The following PEMT variants were observed in gnomAD, a reference collection of about 807,000 sequenced individuals.
PEMT encodes phosphatidylethanolamine N-methyltransferase, also known as phospholipid methyltransferase.
Under a neutral mutation model 27.4 loss-of-function variants are expected in PEMT, and 23 were observed. That is an observed-to-expected ratio of 0.84 (90% CI 0.60 to 1.19). PEMT has a LOEUF of 1.19. PEMT is among the 50% of genes most tolerant of loss of function. The pLI is 0.00. For synonymous variants in PEMT, 137 were observed against 139.1 expected (o/e 0.98, Z 0.11); for missense variants, 307 against 310.1 (o/e 0.99, Z 0.07).
At chr17:17,527,160 C>G (rs578223506) in intron 2 of PEMT, among the ~76,000 whole-genome samples, 3 of 152,204 alleles carry the variant, frequency 2.0e-5, no homozygotes, top group Non-Finnish European at 4.4e-5. Context: ...GCCTCAGCCT[C>G]CCGAGTAGCT....
At chr17:17,539,347 C>T (rs1908716091) in intron 2 of PEMT, among the ~76,000 whole-genome samples, 1 of 152,294 alleles carries the variant, frequency 6.6e-6, no homozygotes, top group Admixed American at 6.5e-5. Context: ...CAGCCAGCTC[C>T]AGGCTCCAAC....
chr17:17,530,809 A>G (rs1908034774), intron 2 of PEMT, among the ~76,000 whole-genome samples: 1 of 152,210 alleles, frequency 6.6e-6, no homozygotes. Context: ...TGAAAGGTTG[A>G]ACAAAAACTT....
At chr17:17,540,532 G>T (rs1000487642) in intron 2 of PEMT, among the ~76,000 whole-genome samples, 1 of 152,180 alleles carries the variant, frequency 6.6e-6, no homozygotes, top group Non-Finnish European at 1.5e-5. Flanking sequence ...TGAGTCAGGA[G>T]CACCAGCTGG....
intron 2 of PEMT, among the ~76,000 whole-genome samples, chr17:17,528,587 G>C (rs567907624): frequency 2.0e-5 from 3 of 152,230 alleles, no homozygotes; most frequent in Admixed American, 6.5e-5. Flanking sequence ...GGCCCCCAGG[G>C]TACCTGTAGG....
intron 2 of PEMT, among the ~76,000 whole-genome samples, chr17:17,537,014 G>A (rs897293450): frequency 1.3e-5 from 2 of 152,376 alleles, no homozygotes; most frequent in East Asian, 3.9e-4. Context: ...TGCCCTTACA[G>A]GCCGGGGGGC....
intron 1 of PEMT, 84 bp downstream of exon 1, chr17:17,591,447 G>A (rs1217360798): frequency 8.7e-7 from 1 of 1,150,298 alleles, no homozygotes; most frequent in Non-Finnish European, 1.2e-6. Context: ...GCCCCGCAGC[G>A]TTTGAGGCGC....
At chr17:17,543,072 G>T (rs1209745446) in intron 2 of PEMT, among the ~76,000 whole-genome samples, 1 of 152,184 alleles carries the variant, frequency 6.6e-6, no homozygotes, top group Non-Finnish European at 1.5e-5. Flanking sequence ...CACCACCGGG[G>T]AAGCATGTCA....
intron 2 of PEMT, among the ~76,000 whole-genome samples, chr17:17,522,670 C>A (rs1226656503): frequency 1.3e-5 from 2 of 152,132 alleles, no homozygotes; most frequent in East Asian, 1.9e-4. Flanking sequence ...CATGAACCCA[C>A]CAAGAGGCAG....
At chr17:17,532,972 A>G (rs1275657064) in intron 2 of PEMT, among the ~76,000 whole-genome samples, 1 of 152,256 alleles carries the variant, frequency 6.6e-6, no homozygotes, top group Non-Finnish European at 1.5e-5. Context: ...GGTTGCAGTG[A>G]GCCGAGATCG....
chr17:17,579,783 T>C (rs1041246887), intron 1 of PEMT, among the ~76,000 whole-genome samples: 2 of 152,182 alleles, frequency 1.3e-5, no homozygotes, highest in African/African-American at 4.8e-5. Context: ...ACAGAATAGC[T>C]GAGTGAAAGA....
In PEMT at chr17:17,561,329, A is replaced by T. The variant is rs1158116606; in HGVS notation, c.204+15591T>A. Among the ~76,000 whole-genome samples the T allele has an allele frequency of 6.6e-6, 1 of 152,222 alleles. No individual in the cohort carries two copies. Among genetic ancestry groups the T allele is most frequent in the Non-Finnish European group, 1.5e-5 (1 of 68,044 alleles). On this transcript the variant is annotated intron_variant, in intron 2 of 6. Transcript: ENST00000255389. This position sits in a 1 kb window ranked among gnomAD's most constrained non-coding sequence, Gnocchi z 4.5. ...AGAACGCCAAGGCACGAAGCTTAGC[A>T]CAGTGAATGGCCAGCCACAGCCGGA...
At chr17:17,537,443 C>CT (rs1204287622) in intron 2 of PEMT, among the ~76,000 whole-genome samples, 24 of 152,224 alleles carry the variant, frequency 1.6e-4, no homozygotes, top group Non-Finnish European at 8.8e-5. Context: ...CAGCCCAACA[C>CT]ACCGGGCTCC....
At chr17:17,555,660 A>G (rs996025401) in intron 2 of PEMT, among the ~76,000 whole-genome samples, 1 of 152,112 alleles carries the variant, frequency 6.6e-6, no homozygotes, top group Non-Finnish European at 1.5e-5. Context: ...CTGAAAGCCA[A>G]TTTGGTCACA....
In PEMT at chr17:17,513,143, T is replaced by G. The variant is rs1265619554; in HGVS notation, c.321-489A>C. ...GTGCCCCGAGGCCTGGGGCATGCTC[T>G]GTGCTAGGGATTGCGCTTCCACAGC... On this transcript the variant is annotated intron_variant, in intron 3 of 6. Coordinates refer to ENST00000255389, the MANE Select transcript of PEMT (RefSeq NM_148172.3). The surrounding 1 kb of genome is among the most constrained non-coding windows in gnomAD (Gnocchi z 4.1). 6.6e-6 allele frequency among the ~76,000 whole-genome samples: 1 copy of G among 152,232 alleles called. No homozygotes were observed. Among genetic ancestry groups the G allele is most frequent in the African/African-American group, 2.4e-5 (1 of 41,464 alleles).
At chr17:17,570,234 G>A (rs1161301184) in intron 2 of PEMT, among the ~76,000 whole-genome samples, 1 of 152,212 alleles carries the variant, frequency 6.6e-6, no homozygotes, top group East Asian at 1.9e-4. Flanking sequence ...GCCAGGATTG[G>A]GGACACAGAA....
chr17:17,583,303 G>T (rs1448675654), intron 1 of PEMT, among the ~76,000 whole-genome samples: 18 of 152,004 alleles, frequency 1.2e-4, no homozygotes, highest in Admixed American at 1.2e-3. Flanking sequence ...TTCAACCCAG[G>T]AAGTGGAGAT....
At chr17:17,553,911 C>T (rs563544777) in intron 2 of PEMT, among the ~76,000 whole-genome samples, 1 of 152,356 alleles carries the variant, frequency 6.6e-6, no homozygotes, top group Non-Finnish European at 1.5e-5. Flanking sequence ...CTCGCCCTCC[C>T]TCCCCGCTGC....
At chr17:17,539,267 C>T (rs796179152) in intron 2 of PEMT, among the ~76,000 whole-genome samples, 39 of 152,244 alleles carry the variant, frequency 2.6e-4, no homozygotes, top group African/African-American at 8.2e-4. Context: ...AGCTGTAAGC[C>T]ACTGTGCCCC....
chr17:17,522,355 G>C lies in PEMT; in HGVS notation c.245C>G (p.Ala82Gly), dbSNP rs776110645. 6.2e-7 allele frequency: 1 copy of C among 1,613,636 alleles called. No homozygotes were observed. The highest frequency in any genetic ancestry group is 1.1e-5 in the South Asian group (1 of 91,064). ...GCAGGCCAGGTAGGGGGATCCGAAG[G>C]CCCTGCTCAGCTTGCGGGTCTTGTG... Reference protein sequence around the residue: ...WEHKTRKLSRAFGSPYLACYS... With the variant: ...WEHKTRKLSRGFGSPYLACYS... The change falls in exon 3 of 7, where the codon GCC becomes GGC. Residue 82 changes from alanine to glycine, a missense_variant. Coordinates refer to ENST00000255389, the MANE Select transcript of PEMT (RefSeq NM_148172.3).
Sources: gnomAD v4.1 joint callset for allele counts (sites outside exome capture counted in the v4.1 genomes callset) on GRCh38, gnomAD v4.1.1 for gene constraint, Gnocchi (gnomAD v3.1) non-coding constraint, MANE v1.5 for transcripts, NCBI Gene and HGNC (gene_info 2026-07-23, HGNC 2026-07-21) for gene names.